The following HMGA2 variants were observed in gnomAD, a reference collection of about 807,000 sequenced individuals.
The protein encoded by HMGA2 is high mobility group protein HMGI-C.
A neutral mutation model predicts 19.1 loss-of-function variants in HMGA2; 8 were observed. The observed-to-expected ratio is 0.42, with a 90% confidence interval of 0.25 to 0.76. The LOEUF (loss-of-function observed/expected upper bound fraction) is 0.76, where lower values mean the gene tolerates loss of function less well. Ranked by LOEUF, HMGA2 falls within the 30% of genes least tolerant of loss-of-function variation. HMGA2 has a pLI of 0.28. For synonymous variants in HMGA2, 60 were observed against 48.8 expected (o/e 1.23, Z -0.96); for missense variants, 109 against 136.3 (o/e 0.80, Z 1.00).
At chr12:65,862,006 G>A (rs1326478729) in intron 3 of HMGA2, among the ~76,000 whole-genome samples, 16 of 151,860 alleles carry the variant, frequency 1.1e-4, no homozygotes, top group African/African-American at 2.4e-4. Flanking sequence ...CACCACGCCC[G>A]GCTAATTTTC....
At chr12:65,876,329 G>T (rs909521952) in intron 3 of HMGA2, among the ~76,000 whole-genome samples, 3 of 152,056 alleles carry the variant, frequency 2.0e-5, no homozygotes, top group African/African-American at 7.2e-5. Context: ...AGGAGTTTTT[G>T]CATTAGGAAT....
intron 3 of HMGA2, among the ~76,000 whole-genome samples, chr12:65,926,592 A>T (rs149849156): frequency 5.9e-5 from 9 of 152,380 alleles, no homozygotes; most frequent in African/African-American, 2.2e-4. Flanking sequence ...AGACATTAAA[A>T]CAACTTAAAT....
At chr12:65,839,004 T>C (rs992762225) in intron 3 of HMGA2, among the ~76,000 whole-genome samples, 4 of 149,174 alleles carry the variant, frequency 2.7e-5, no homozygotes, top group South Asian at 2.1e-4. Flanking sequence ...TTTTCTTTTT[T>C]TTTTTTGGTT....
chr12:65,920,685 C>T (rs542361342), intron 3 of HMGA2, among the ~76,000 whole-genome samples: 56 of 152,302 alleles, frequency 3.7e-4, no homozygotes, highest in African/African-American at 1.3e-3. Context: ...CTTGCCACTG[C>T]CATGTAAGAA....
At chr12:65,850,869 C>T (rs1205451900) in intron 3 of HMGA2, among the ~76,000 whole-genome samples, 1 of 152,134 alleles carries the variant, frequency 6.6e-6, no homozygotes, top group Non-Finnish European at 1.5e-5. Context: ...GCATCCTTGA[C>T]AGTGGTGTAC....
At chr12:65,864,029 A>G (rs897626112) in intron 3 of HMGA2, among the ~76,000 whole-genome samples, 3 of 152,222 alleles carry the variant, frequency 2.0e-5, no homozygotes, top group African/African-American at 7.2e-5. Context: ...GAAGGGTTCC[A>G]TGAATATTAT....
rs1452546223 is a variant in HMGA2 at position 65,916,960 on chromosome 12, G to A, written c.250-34423G>A. On this transcript the variant is annotated intron_variant, in intron 3 of 4. Transcript: ENST00000403681. ...AGAGAATAAAATCTGGTTTTGACACGTTTGTTTTAGATGGCAATGAAATGT... is the reference window on the plus strand; with the variant it reads ...AGAGAATAAAATCTGGTTTTGACACATTTGTTTTAGATGGCAATGAAATGT... Among the ~76,000 whole-genome samples the A allele has an allele frequency of 2.6e-5, 4 of 152,264 alleles. No homozygotes were observed. In the South Asian group the frequency reaches 6.2e-4, roughly 24 times the overall value.
chr12:65,919,077 T>C (rs532675314), intron 3 of HMGA2, among the ~76,000 whole-genome samples: 2 of 152,318 alleles, frequency 1.3e-5, no homozygotes, highest in South Asian at 4.1e-4. Context: ...CCACAGAAGA[T>C]GGGCAAACAT....
chr12:65,842,064 A>C, intron 3 of HMGA2: 1 of 1,257,152 alleles, frequency 8.0e-7, no homozygotes, highest in Non-Finnish European at 1.0e-6. Flanking sequence ...TCTGATTTTC[A>C]TGTGTGTGCG....
At chr12:65,851,896 T>C (rs1378455727) in intron 3 of HMGA2, among the ~76,000 whole-genome samples, 1 of 152,188 alleles carries the variant, frequency 6.6e-6, no homozygotes, top group African/African-American at 2.4e-5. Flanking sequence ...TTTGTGACCT[T>C]GGACAGGTGA....
intron 3 of HMGA2, among the ~76,000 whole-genome samples, chr12:65,862,905 C>T (rs762709079): frequency 2.0e-5 from 3 of 152,220 alleles, no homozygotes; most frequent in African/African-American, 7.2e-5. Flanking sequence ...CAACTGCCAA[C>T]GGCAGTATGT....
chr12:65,862,510 T>TTAGA (rs1294850806), intron 3 of HMGA2, among the ~76,000 whole-genome samples: 1 of 152,234 alleles, frequency 6.6e-6, no homozygotes, highest in Admixed American at 6.5e-5. Flanking sequence ...GCATTTAAAA[T>TTAGA]ACTACTTTAG....
At chr12:65,842,894 A>T in intron 3 of HMGA2, 1 of 1,245,414 alleles carries the variant, frequency 8.0e-7, no homozygotes. Flanking sequence ...CAAGAATACA[A>T]TGAAGTAATA....
intron 3 of HMGA2, among the ~76,000 whole-genome samples, chr12:65,945,120 T>C (rs1592461769): frequency 6.6e-6 from 1 of 151,770 alleles, no homozygotes; most frequent in Admixed American, 6.6e-5. Context: ...AGGGCAGAGA[T>C]GGATTGGAGT....
chr12:65,956,833 C>T (rs1876619241), intron 4 of HMGA2: 1 of 152,068 alleles, frequency 6.6e-6, no homozygotes. Context: ...TTGATGTGTA[C>T]TGGATAAAAA....
chr12:65,878,216 G>A (rs1181419647), intron 3 of HMGA2, among the ~76,000 whole-genome samples: 2 of 152,168 alleles, frequency 1.3e-5, no homozygotes, highest in Non-Finnish European at 2.9e-5. Context: ...CTGCAACAAC[G>A]TTTCTTGTAG....
At chr12:65,881,978 T>G in intron 3 of HMGA2, 1 of 696,760 alleles carries the variant, frequency 1.4e-6, no homozygotes, top group South Asian at 1.5e-5. Context: ...CAGCTGAACG[T>G]CTCCATCTCC....
chr12:65,962,311 G>C (rs140962138), intron 4 of HMGA2, among the ~76,000 whole-genome samples: 7 of 152,340 alleles, frequency 4.6e-5, no homozygotes, highest in Non-Finnish European at 8.8e-5. Flanking sequence ...GAACTTTGCG[G>C]CTCAAGCCGG....
intron 3 of HMGA2, among the ~76,000 whole-genome samples, chr12:65,923,780 C>T (rs1323054970): frequency 2.0e-5 from 3 of 152,050 alleles, no homozygotes; most frequent in Non-Finnish European, 4.4e-5. Context: ...GAGGCAGAGG[C>T]GAGTGGATCA....
Sources: gnomAD v4.1 joint callset for allele counts (sites outside exome capture counted in the v4.1 genomes callset) on GRCh38, gnomAD v4.1.1 for gene constraint, MANE v1.5 for transcripts, NCBI Gene and HGNC (gene_info 2026-07-23, HGNC 2026-07-21) for gene names.